The following MZT2B variants were observed in gnomAD, a reference collection of about 807,000 sequenced individuals.
The protein encoded by MZT2B is mitotic-spindle organizing protein 2B.
MZT2B carries 11 observed loss-of-function variants against 12.1 expected under a neutral mutation model. The observed-to-expected ratio is 0.91, with a 90% confidence interval of 0.57 to 1.50. The LOEUF (loss-of-function observed/expected upper bound fraction) is 1.50, where lower values mean the gene tolerates loss of function less well. MZT2B is among the 40% of genes most tolerant of loss of function. The pLI is 0.00. For missense variants in MZT2B, 209 were observed against 227.7 expected, an observed-to-expected ratio of 0.92 and a Z score of 0.53; for synonymous variants, 85 against 109.5, an observed-to-expected ratio of 0.78 and a Z score of 1.40.
chr2:130,185,640 T>A (rs10198224), intron 2 of MZT2B, among the ~76,000 whole-genome samples: 2,463 of 60,678 alleles, frequency 0.041, 327 homozygotes, highest in African/African-American at 0.12. Context: ...AGGGCGTGGG[T>A]GAGGCAGAGC....
At chr2:130,197,180 C>G in the MZT2B span, among the ~76,000 whole-genome samples, 2 of 152,144 alleles carry the variant, frequency 1.3e-5, no homozygotes, top group African/African-American at 4.8e-5. Flanking sequence ...ACTGCACTGT[C>G]CTTTGGTGGT....
At chr2:130,183,852 C>A in intron 2 of MZT2B, 1 of 1,550,674 alleles carries the variant, frequency 6.4e-7, no homozygotes, top group Non-Finnish European at 8.7e-7. Flanking sequence ...CTCCAGCCCG[C>A]AGCCTGCGGC....
downstream of MZT2B, among the ~76,000 whole-genome samples, chr2:130,195,675 G>A (rs560998694): frequency 9.8e-5 from 15 of 152,326 alleles, no homozygotes; most frequent in African/African-American, 3.4e-4. Flanking sequence ...TCTCCTGGGG[G>A]GCCACTGAAA....
the MZT2B span, among the ~76,000 whole-genome samples, chr2:130,203,625 T>C: frequency 1.3e-5 from 2 of 151,802 alleles, no homozygotes; most frequent in Admixed American, 6.6e-5. Context: ...TTTTTAGTTT[T>C]TTTAAGAGAT....
At chr2:130,181,978 C>T (rs1245644149), upstream of MZT2B, 13 of 1,384,868 alleles carry the variant, frequency 9.4e-6, no homozygotes. Context: ...TGGCACTGGG[C>T]TGGGTGCTGC....
chr2:130,187,136 C>T (rs536739616), intron 2 of MZT2B, among the ~76,000 whole-genome samples: 15 of 131,724 alleles, frequency 1.1e-4, no homozygotes, highest in Non-Finnish European at 2.2e-4. Context: ...TGAAATAATA[C>T]GTTGGATATT....
the MZT2B span, chr2:130,204,420 G>A: frequency 4.7e-6 from 2 of 424,466 alleles, no homozygotes; most frequent in South Asian, 4.1e-5. Flanking sequence ...GCCAGATGTG[G>A]TGGCTCACGC....
At chr2:130,203,494 T>C in the MZT2B span, among the ~76,000 whole-genome samples, 36 of 152,080 alleles carry the variant, frequency 2.4e-4, no homozygotes, top group East Asian at 3.7e-3. Context: ...GGGTCATCAG[T>C]GCAGCAAGTG....
At chr2:130,183,384 G>C (rs1262892771) in intron 2 of MZT2B, 1 of 339,100 alleles carries the variant, frequency 2.9e-6, no homozygotes, top group Non-Finnish European at 5.7e-6. Flanking sequence ...GTCAGACGCG[G>C]AACTCCCAGG....
intron 2 of MZT2B, chr2:130,183,868 CG>C (rs1558776556): frequency 1.3e-6 from 2 of 1,550,656 alleles, no homozygotes; most frequent in South Asian, 2.4e-5. Flanking sequence ...GCGGCCTCTC[CG>C]GTTCTGCTCC....
At chr2:130,198,429 C>T in the MZT2B span, 1 of 1,350,150 alleles carries the variant, frequency 7.4e-7, no homozygotes, top group Non-Finnish European at 1.0e-6. Flanking sequence ...TGCTGAGCGC[C>T]CAACTGCAAT....
intron 2 of MZT2B, chr2:130,184,214 C>T (rs1689958706): frequency 3.5e-6 from 5 of 1,416,832 alleles, no homozygotes; most frequent in South Asian, 3.0e-5. Context: ...ACCCCAGAGG[C>T]GAACTGTGGT....
the MZT2B span, among the ~76,000 whole-genome samples, chr2:130,204,706 G>A: frequency 1.9e-4 from 10 of 53,600 alleles, no homozygotes; most frequent in African/African-American, 6.4e-4. Context: ...AAAAAAAAAG[G>A]GGGGGTGGGG....
intron 2 of MZT2B, among the ~76,000 whole-genome samples, chr2:130,189,514 T>C (rs185492921): frequency 2.6e-5 from 4 of 152,116 alleles, no homozygotes; most frequent in South Asian, 2.1e-4. Flanking sequence ...AGGGGACACA[T>C]GCCCTGTTTA....
At chr2:130,184,080 C>T in intron 2 of MZT2B, 1 of 1,545,724 alleles carries the variant, frequency 6.5e-7, no homozygotes, top group Non-Finnish European at 8.7e-7. Flanking sequence ...ACCATGCAGG[C>T]CATCGCTGCC....
chr2:130,181,781 G>T, upstream of MZT2B: 1 of 1,547,268 alleles, frequency 6.5e-7, no homozygotes, highest in Non-Finnish European at 8.7e-7. Flanking sequence ...CGTTGTGGCG[G>T]CCTCCGGCGC....
downstream of MZT2B, chr2:130,191,994 A>T: frequency 6.2e-7 from 1 of 1,613,990 alleles, no homozygotes; most frequent in Non-Finnish European, 8.5e-7. Flanking sequence ...GGCATACATG[A>T]GATCGAACTT....
chr2:130,190,896 C>T (rs1010663325), downstream of MZT2B, among the ~76,000 whole-genome samples: 5 of 152,148 alleles, frequency 3.3e-5, no homozygotes, highest in South Asian at 2.1e-4. Context: ...ATCTGGATTG[C>T]CAGGTCTTTT....
At chr2:130,199,629 A>C in the MZT2B span, among the ~76,000 whole-genome samples, 22 of 122,610 alleles carry the variant, frequency 1.8e-4, 4 homozygotes, top group African/African-American at 6.4e-4. Flanking sequence ...TATTAGCAGC[A>C]GTTATAAGTG....
Sources: gnomAD v4.1 joint callset for allele counts (sites outside exome capture counted in the v4.1 genomes callset) on GRCh38, gnomAD v4.1.1 for gene constraint, MANE v1.5 for transcripts, NCBI Gene and HGNC (gene_info 2026-07-23, HGNC 2026-07-21) for gene names.